Variants in TMPRSS12 observed in about 807,000 individuals in gnomAD.
The protein encoded by TMPRSS12 is transmembrane serine protease 12, also known as transmembrane protease serine 12.
A neutral mutation model predicts 26.0 loss-of-function variants in TMPRSS12; 25 were observed. The observed-to-expected ratio is 0.96, with a 90% CI of 0.70 to 1.34. The LOEUF (loss-of-function observed/expected upper bound fraction) is 1.34. TMPRSS12 is among the 40% of genes most tolerant of loss of function. The pLI is 0.00. For missense variants in TMPRSS12, 441 were observed against 440.1 expected (o/e 1.00, Z -0.02); for synonymous variants, 150 against 161.7 (o/e 0.93, Z 0.55).
At position 50,858,811 on chromosome 12, in the gene TMPRSS12, T is replaced by C. The variant is rs1172105087; in HGVS notation, c.410T>C (p.Ile137Thr). 3 of 1,599,948 alleles carry C rather than the reference T, an allele frequency of 1.9e-6. No individual in the cohort carries two copies. The highest frequency in any genetic ancestry group is 1.3e-5 in the African/African-American group (1 of 74,472). The change falls in exon 3 of 5, where the codon ATT becomes ACT. Residue 137 changes from isoleucine (I) to threonine (T), a missense_variant. Ile to Thr is a moderately conservative substitution (Grantham distance 89, BLOSUM62 -1). Transcript: ENST00000398458. ...ASDPLMWTAVIGTNNIHGRYP... is the reference protein window; with the variant it reads ...ASDPLMWTAVTGTNNIHGRYP... ...GATCCTTTAATGTGGACAGCTGTGA[T>C]TGGAACTAATAATATACATGGACGC...
intron 3 of TMPRSS12, among the ~76,000 whole-genome samples, chr12:50,862,087 C>T (rs1937941576): frequency 2.6e-5 from 4 of 152,160 alleles, no homozygotes; most frequent in Non-Finnish European, 5.9e-5. Context: ...GGATTACAGG[C>T]GTGAGCCAGG....
intron 3 of TMPRSS12, among the ~76,000 whole-genome samples, chr12:50,865,760 G>A (rs1281584547): frequency 2.0e-5 from 3 of 151,032 alleles, no homozygotes; most frequent in Non-Finnish European, 2.9e-5. Flanking sequence ...CTTTATAATA[G>A]AATTACAGAT....
chr12:50,850,414 AC>A (rs1332248167), intron 2 of TMPRSS12, among the ~76,000 whole-genome samples: 2 of 152,178 alleles, frequency 1.3e-5, no homozygotes, highest in Admixed American at 1.3e-4. Context: ...CCCTGTCTCT[AC>A]AAAAAATTTT....
At position 50,887,288 on chromosome 12, in the gene TMPRSS12, C is replaced by G; in HGVS notation, c.822C>G (p.Cys274Trp). ...CRGDSGGPLM[C>W]YLPEYKRFFV... The stretch of plus-strand genomic sequence containing the variant: ...GTGACAGTGGGGGACCATTAATGTG[C>G]TACTTACCAGAATATAAAAGATTTT... Residue 274 changes from cysteine (C) to tryptophan (W), a missense_variant, in exon 5 of 5, where the codon TGC becomes TGG. Cys to Trp is a radical substitution (Grantham distance 215). Transcript: ENST00000398458. The G allele has an allele frequency of 1.2e-5, 19 of 1,613,758 alleles. No homozygotes were observed. Among genetic ancestry groups the G allele is most frequent in the Non-Finnish European group, 1.5e-5 (18 of 1,179,840 alleles).
chr12:50,873,613 G>A (rs529706421), intron 3 of TMPRSS12, among the ~76,000 whole-genome samples: 16 of 152,272 alleles, frequency 1.1e-4, no homozygotes, highest in South Asian at 2.1e-4. Context: ...AACATTCTCC[G>A]TACACAACAG....
intron 3 of TMPRSS12, among the ~76,000 whole-genome samples, chr12:50,866,878 G>A (rs1020793013): frequency 6.6e-6 from 1 of 152,128 alleles, no homozygotes; most frequent in East Asian, 1.9e-4. Context: ...CCAGAAGAAA[G>A]ATAACAATCG....
chr12:50,843,017 TATACTC>T lies in TMPRSS12; in HGVS notation c.55_60del (p.Tyr19_Ser20del). 6.2e-7 allele frequency: 1 copy of T among 1,607,650 alleles called. No homozygotes were observed. Among genetic ancestry groups the T allele is most frequent in the Non-Finnish European group, 8.5e-7 (1 of 1,177,264 alleles). On this transcript the variant is annotated inframe_deletion, in exon 1 of 5. Transcript: ENST00000398458. Reference sequence around the variant, plus strand: ...CTGTTGTTTGTGGGGAGCTCTCACTTATACTCAGACCACTACTCGCCCTCTGGAAGG... The same window carrying T: ...CTGTTGTTTGTGGGGAGCTCTCACTTAGACCACTACTCGCCCTCTGGAAGG...
chr12:50,864,086 A>C (rs902934362), intron 3 of TMPRSS12, among the ~76,000 whole-genome samples: 2 of 152,202 alleles, frequency 1.3e-5, no homozygotes, highest in Admixed American at 6.6e-5. Context: ...GAAGGGGGAA[A>C]AGCTAGAAAT....
At position 50,843,096 on chromosome 12, in the gene TMPRSS12, TGAGGCC is replaced by T. The variant is rs1220372841; in HGVS notation, c.134_139del (p.Glu45_Ala46del). 8 of 1,581,482 alleles carry T rather than the reference TGAGGCC, an allele frequency of 5.1e-6. No homozygotes were observed. In the African/African-American group the frequency reaches 6.7e-5, roughly 13 times the overall value. On this transcript the variant is annotated inframe_deletion, in exon 1 of 5. Transcript: ENST00000398458. ...AACCGGCGGCTAGTTCCCAGCAGGCTGAGGCCGTCCGCAAGAGGCTCCGGCGGCGGA... is the reference window on the plus strand; with the variant it reads ...AACCGGCGGCTAGTTCCCAGCAGGCTGTCCGCAAGAGGCTCCGGCGGCGGA...
chr12:50,859,138 C>A, intron 3 of TMPRSS12, 85 bp downstream of exon 3: 1 of 1,229,006 alleles, frequency 8.1e-7, no homozygotes, highest in Non-Finnish European at 1.1e-6. Flanking sequence ...ATTCATGTGC[C>A]ACATAATGAC....
intron 3 of TMPRSS12, 58 bp downstream of exon 3, chr12:50,859,111 T>A: frequency 1.4e-6 from 2 of 1,449,698 alleles, no homozygotes; most frequent in Non-Finnish European, 1.8e-6. Flanking sequence ...CAGAGGAAGG[T>A]CAAACCTTTT....
Position 50,855,122 on chromosome 12 carries a change from C to G in TMPRSS12, c.384-3663C>G, listed in dbSNP as rs985901573. 1.2e-3 allele frequency among the ~76,000 whole-genome samples: 175 copies of G among 152,046 alleles called. 1 individual carries two copies. The highest frequency in any genetic ancestry group is 2.4e-4 in the Non-Finnish European group (16 of 67,992). Reference sequence around the variant, plus strand: ...ACTGGTACAAAAACAGACACACAGACCAATGGAACAGGTTAGAGAACCCAG... The same window carrying G: ...ACTGGTACAAAAACAGACACACAGAGCAATGGAACAGGTTAGAGAACCCAG... On this transcript the variant is annotated intron_variant, in intron 2 of 4. Coordinates refer to ENST00000398458, the MANE Select transcript of TMPRSS12 (RefSeq NM_182559.3).
At chr12:50,858,724 TTAAGAA>T (rs1937904702) in intron 2 of TMPRSS12, 55 bp from the exon 3 acceptor site, 6 of 1,277,382 alleles carry the variant, frequency 4.7e-6, no homozygotes. Context: ...TAGTGGGAGA[TTAAGAA>T]TATGTACTTA....
chr12:50,885,699 A>G (rs1938219523), intron 4 of TMPRSS12: 1 of 570,274 alleles, frequency 1.8e-6, no homozygotes, highest in East Asian at 2.9e-5. Context: ...TTTGTCACCC[A>G]TGCTGGAGTG....
chr12:50,885,021 G>A (rs1474441208), intron 3 of TMPRSS12, among the ~76,000 whole-genome samples: 1 of 151,926 alleles, frequency 6.6e-6, no homozygotes, highest in African/African-American at 2.4e-5. Context: ...TCCAGCCTGG[G>A]CAATAGATCA....
At chr12:50,869,359 C>T (rs1938021197) in intron 3 of TMPRSS12, among the ~76,000 whole-genome samples, 1 of 152,068 alleles carries the variant, frequency 6.6e-6, no homozygotes, top group Non-Finnish European at 1.5e-5. Flanking sequence ...TCATTCAGTG[C>T]TACTATGAAC....
chr12:50,845,904 T>C (rs1937762447), intron 2 of TMPRSS12, among the ~76,000 whole-genome samples: 1 of 152,234 alleles, frequency 6.6e-6, no homozygotes, highest in Admixed American at 6.5e-5. Flanking sequence ...TAGGCATCTT[T>C]CTATGTGCTT....
intron 2 of TMPRSS12, among the ~76,000 whole-genome samples, chr12:50,853,597 AAAG>A (rs1372793349): frequency 1.1e-4 from 17 of 150,930 alleles, no homozygotes; most frequent in South Asian, 8.3e-4. Flanking sequence ...AAAAAAAAAA[AAAG>A]AAGAAGGAGA....
intron 3 of TMPRSS12, among the ~76,000 whole-genome samples, chr12:50,869,825 G>C (rs961575754): frequency 6.6e-6 from 1 of 152,174 alleles, no homozygotes; most frequent in Non-Finnish European, 1.5e-5. Context: ...GCTCACACCT[G>C]TAATCCCAGC....
Sources: gnomAD v4.1 joint callset for allele counts (sites outside exome capture counted in the v4.1 genomes callset) on GRCh38, gnomAD v4.1.1 for gene constraint, MANE v1.5 for transcripts, NCBI Gene and HGNC (gene_info 2026-07-23, HGNC 2026-07-21) for gene names.